Variants in SLIT1 observed in about 807,000 individuals in gnomAD.
SLIT1 encodes the protein slit homolog 1 protein.
Under a neutral mutation model 186.1 loss-of-function variants are expected in SLIT1, and 66 were observed. That is an observed-to-expected ratio of 0.35 (90% confidence interval 0.29 to 0.44). The LOEUF is 0.44. Ranked by LOEUF, SLIT1 falls within the 20% of genes least tolerant of loss-of-function variation. The pLI is 1.00. For synonymous variants in SLIT1, 761 were observed against 833.8 expected (o/e 0.91, Z 1.50); for missense variants, 1,638 against 2,037.4 (o/e 0.80, Z 3.77).
chr10:97,039,711 G>A (rs1294686532), intron 21 of SLIT1, among the ~76,000 whole-genome samples: 1 of 152,230 alleles, frequency 6.6e-6, no homozygotes, highest in Non-Finnish European at 1.5e-5. Flanking sequence ...GGGAAAGCAA[G>A]GTTCTCCTCA....
At chr10:97,054,304 C>A (rs973486036) in intron 13 of SLIT1, among the ~76,000 whole-genome samples, 8 of 151,754 alleles carry the variant, frequency 5.3e-5, no homozygotes, top group African/African-American at 1.9e-4. Flanking sequence ...ACGTGCCTAC[C>A]CTTGCTTCGC....
At chr10:97,012,075 TACACACACACACACACACACACAC>T (rs35171328) in intron 30 of SLIT1, among the ~76,000 whole-genome samples, 27 of 130,920 alleles carry the variant, frequency 2.1e-4, no homozygotes, top group Admixed American at 7.7e-4. Flanking sequence ...TCAAGCCCAG[TACACACACACACACACACACACAC>T]ACACACACAC....
At chr10:97,050,585 T>C (rs1378055209) in intron 13 of SLIT1, among the ~76,000 whole-genome samples, 3 of 152,206 alleles carry the variant, frequency 2.0e-5, no homozygotes, top group African/African-American at 7.2e-5. Context: ...ACAGAGAGGA[T>C]GTGTTTGCTG....
chr10:97,031,649 T>G lies in SLIT1; in HGVS notation c.2467A>C (p.Ile823Leu), dbSNP rs754743304. The G allele has an allele frequency of 1.3e-6, 2 of 1,552,110 alleles. No individual in the cohort carries two copies. The highest frequency in any genetic ancestry group is 1.7e-4 in the Middle Eastern group (1 of 5,950). ...LILSYNALQC[I>L]PPLAFQGLRS... ...AGTCCCTGGAAGGCCAAAGGCGGGATGCACTGCAGGGCATTGTAGCTGAGG... is the reference window on the plus strand; with the variant it reads ...AGTCCCTGGAAGGCCAAAGGCGGGAGGCACTGCAGGGCATTGTAGCTGAGG... The change falls in exon 24 of 37, where the codon ATC (isoleucine) becomes CTC (leucine). Residue 823 changes from isoleucine (I) to leucine (L), a missense_variant. Physicochemically the swap from Ile to Leu is conservative, Grantham distance 5. Transcript: ENST00000266058.
intron 1 of SLIT1, among the ~76,000 whole-genome samples, chr10:97,167,560 A>G (rs1291498977): frequency 6.6e-6 from 1 of 152,258 alleles, no homozygotes; most frequent in African/African-American, 2.4e-5. Context: ...GTGGCCATTT[A>G]AAATGGTACA....
In SLIT1 at chr10:96,999,591, A is replaced by G. The variant is rs1472843169; in HGVS notation, c.*1521T>C. The G allele has an allele frequency of 2.0e-5, 3 of 152,212 alleles. No individual in the cohort carries two copies. The highest frequency in any genetic ancestry group is 6.5e-5 in the Admixed American group (1 of 15,286). The allele number at this position is 152,212 out of a possible 1,614,324, so 9.4% of individuals were successfully genotyped here. Reference sequence around the variant, plus strand: ...TGCCCTCTTGGTGAGCCCTCTGGGGAAGGAGAGTGCAACTTTGCCTCCCTT... The same window carrying G: ...TGCCCTCTTGGTGAGCCCTCTGGGGGAGGAGAGTGCAACTTTGCCTCCCTT... On this transcript the variant is annotated 3_prime_UTR_variant, in exon 37 of 37. Coordinates refer to ENST00000266058, the MANE Select transcript of SLIT1 (RefSeq NM_003061.3).
rs555240082 is a variant in SLIT1, at chr10:97,106,065, C to T, written c.414-39979G>A. 4.6e-5 allele frequency among the ~76,000 whole-genome samples: 7 copies of T among 152,314 alleles called. No individual in the cohort carries two copies. The South Asian group carries it at 1.4e-3, about 32-fold the overall frequency. The stretch of plus-strand genomic sequence containing the variant: ...TGCTCACCCTACTTCCCAGGGACTT[C>T]CCAGTGGTAACCCCAGTTTTGTCTG... On this transcript the variant is annotated intron_variant, in intron 4 of 36. Transcript: ENST00000266058.
chr10:97,071,184 T>C (rs112760817), intron 4 of SLIT1, among the ~76,000 whole-genome samples: 2,228 of 152,294 alleles, frequency 0.015, 47 homozygotes, highest in African/African-American at 0.047. Context: ...TTGCTGGCCA[T>C]ACACCTACTG....
intron 4 of SLIT1, among the ~76,000 whole-genome samples, chr10:97,139,945 G>T (rs1849741265): frequency 6.6e-6 from 1 of 152,130 alleles, no homozygotes; most frequent in South Asian, 2.1e-4. Context: ...ACTATGAATG[G>T]GGTAGGCAGC....
Position 97,043,125 on chromosome 10 carries a change from C to A in SLIT1, c.1998-58G>T, listed in dbSNP as rs1240517527. ...ACTCTGCCCCTCTCAGAGGTCCCAG[C>A]AAACCCCTCCTGTACCACGGACACA... On this transcript the variant is annotated intron_variant, in intron 19 of 36. Transcript: ENST00000266058. This position sits in a 1 kb window ranked among gnomAD's most constrained non-coding sequence, Gnocchi z 7.0. 3.2e-6 allele frequency: 5 copies of A among 1,564,546 alleles called. No individual in the cohort carries two copies. The highest frequency in any genetic ancestry group is 1.4e-5 in the African/African-American group (1 of 74,042).
chr10:97,135,624 T>A (rs1325550336), intron 4 of SLIT1, among the ~76,000 whole-genome samples: 1 of 152,156 alleles, frequency 6.6e-6, no homozygotes, highest in Non-Finnish European at 1.5e-5. Context: ...CCCAGGGGGC[T>A]GCAGTGAGTA....
intron 8 of SLIT1, 30 bp downstream of exon 8, chr10:97,063,424 AG>A: frequency 6.2e-7 from 1 of 1,610,252 alleles, no homozygotes; most frequent in East Asian, 2.2e-5. Flanking sequence ...GGCGCCGGAC[AG>A]TTGAGAGCCC....
At chr10:97,088,077 T>A (rs1849186236) in intron 4 of SLIT1, among the ~76,000 whole-genome samples, 1 of 152,130 alleles carries the variant, frequency 6.6e-6, no homozygotes, top group Admixed American at 6.5e-5. Context: ...ACTGGAACTA[T>A]CTGGGAAACT....
chr10:97,065,748 C>T (rs1848938689), intron 5 of SLIT1: 2 of 415,404 alleles, frequency 4.8e-6, no homozygotes, highest in African/African-American at 2.0e-5. Context: ...GAGAACATTG[C>T]CCACGCTGAT....
chr10:97,129,841 C>G (rs1333573546), intron 4 of SLIT1, among the ~76,000 whole-genome samples: 1 of 152,116 alleles, frequency 6.6e-6, no homozygotes, highest in Non-Finnish European at 1.5e-5. Context: ...CCCACGTTTG[C>G]TGCTGATGGA....
At chr10:97,172,681 C>T (rs1850206028) in intron 1 of SLIT1, among the ~76,000 whole-genome samples, 1 of 152,076 alleles carries the variant, frequency 6.6e-6, no homozygotes, top group Non-Finnish European at 1.5e-5. Flanking sequence ...TTTGGGAGGC[C>T]AAGTGGGGAG....
At chr10:97,063,305 A>AT in intron 8 of SLIT1, 150 bp downstream of exon 8, 1 of 770,692 alleles carries the variant, frequency 1.3e-6, no homozygotes, top group Non-Finnish European at 2.2e-6. Flanking sequence ...GGTGATGGGC[A>AT]GGGTCAGGAG....
chr10:97,185,777 G>GAGCCCGCGCGCA lies in SLIT1; in HGVS notation c.-104_-103insTGCGCGCGGGCT. ...GCAGTCCCGGGGCAGAGCCACCGAAGAGCCCGCGGGCTTGCGCGCGGCGCC... is the reference window on the plus strand; with the variant it reads ...GCAGTCCCGGGGCAGAGCCACCGAAGAGCCCGCGCGCAAGCCCGCGGGCTTGCGCGCGGCGCC... On this transcript the variant is annotated 5_prime_UTR_variant, in exon 1 of 37. Coordinates refer to ENST00000266058, the MANE Select transcript of SLIT1 (RefSeq NM_003061.3). 1.9e-6 allele frequency: 2 copies of GAGCCCGCGCGCA among 1,055,396 alleles called. No individual in the cohort carries two copies. The highest frequency in any genetic ancestry group is 2.5e-6 in the Non-Finnish European group (2 of 786,686). 65.4% of individuals were successfully genotyped at this position (1,055,396 alleles called of 1,614,324 possible). A position where few individuals can be genotyped will look rare whatever the true frequency, so the allele number is the denominator to read the frequency against.
chr10:97,177,747 G>A (rs569626005), intron 1 of SLIT1, among the ~76,000 whole-genome samples: 7 of 152,260 alleles, frequency 4.6e-5, no homozygotes, highest in East Asian at 1.9e-4. Flanking sequence ...AGGCTGAGGC[G>A]GGTGGATCAC....
Sources: gnomAD v4.1 joint callset for allele counts (sites outside exome capture counted in the v4.1 genomes callset) on GRCh38, gnomAD v4.1.1 for gene constraint, Gnocchi (gnomAD v3.1) non-coding constraint, MANE v1.5 for transcripts, NCBI Gene and HGNC (gene_info 2026-07-23, HGNC 2026-07-21) for gene names.